Variants in ELF1 observed in about 807,000 individuals in gnomAD.
ELF1 encodes ETS-related transcription factor Elf-1.
ELF1 carries 24 observed loss-of-function variants against 59.9 expected under a neutral mutation model. The ratio of observed to expected loss-of-function variants is 0.40; its 90% CI spans 0.29 to 0.56. The LOEUF (loss-of-function observed/expected upper bound fraction) is 0.56, where lower values mean the gene tolerates loss of function less well. Ranked by LOEUF, ELF1 falls within the 20% of genes least tolerant of loss-of-function variation. The pLI, the probability that ELF1 is intolerant of heterozygous loss-of-function variation, is 0.44. For missense variants in ELF1, 627 were observed against 742.2 expected (o/e 0.84, Z 1.80); for synonymous variants, 248 against 266.2 (o/e 0.93, Z 0.67).
chr13:41,052,543 C>T (rs1877127832), intron 1 of ELF1, among the ~76,000 whole-genome samples: 1 of 151,924 alleles, frequency 6.6e-6, no homozygotes. Context: ...AATAGATCAC[C>T]AAGTATTTTG....
At chr13:40,996,218 T>C (rs1429036925) in intron 1 of ELF1, among the ~76,000 whole-genome samples, 1 of 152,184 alleles carries the variant, frequency 6.6e-6, no homozygotes, top group Non-Finnish European at 1.5e-5. Context: ...TCACTGCTGG[T>C]AGGAATGCAA....
intron 8 of ELF1, among the ~76,000 whole-genome samples, chr13:40,938,108 C>T (rs1012249286): frequency 6.6e-6 from 1 of 152,202 alleles, no homozygotes; most frequent in African/African-American, 2.4e-5. Context: ...TGAGGCACTG[C>T]ACCTGGCCAG....
rs540375224 is a variant in ELF1, at chr13:41,000,875, A to C, written c.-229+18353T>G. The stretch of plus-strand genomic sequence containing the variant: ...GGAGATTAGGAAAGATGATAAAAAT[A>C]AATCATAAAATAAATAATTAGATAC... On this transcript the variant is annotated intron_variant, in intron 1 of 8. Transcript: ENST00000239882. Among the ~76,000 whole-genome samples the C allele has an allele frequency of 8.5e-5, 13 of 152,324 alleles. No individual in the cohort carries two copies. The South Asian group carries it at 2.7e-3, about 32-fold the overall frequency.
At chr13:40,959,249 C>A (rs1302699849) in intron 2 of ELF1, among the ~76,000 whole-genome samples, 1 of 152,134 alleles carries the variant, frequency 6.6e-6, no homozygotes, top group Non-Finnish European at 1.5e-5. Flanking sequence ...GTAATCCCAG[C>A]ACTCTGGGAG....
At chr13:41,016,947 AATATAT>A (rs1276103107) in intron 1 of ELF1, among the ~76,000 whole-genome samples, 1,318 of 24,692 alleles carry the variant, frequency 0.053, 50 homozygotes, top group South Asian at 0.13. Flanking sequence ...AAAAAAAAAA[AATATAT>A]ATATATATAT....
At position 40,988,640 on chromosome 13, in the gene ELF1, A is replaced by G. The variant is rs981747032; in HGVS notation, c.-228-6358T>C. ...CTTTAAGTCTTAGAGTTTTACTATT[A>G]TTATCTCCCAAGTTTACTATATCAT... is the stretch of plus-strand genomic sequence containing the variant. On this transcript the variant is annotated intron_variant, in intron 1 of 8. Transcript: ENST00000239882. 2.0e-5 allele frequency among the ~76,000 whole-genome samples: 3 copies of G among 152,278 alleles called. No homozygotes were observed. The South Asian group carries it at 6.2e-4, about 32-fold the overall frequency.
chr13:40,936,365 G>A (rs1341603476), intron 8 of ELF1, among the ~76,000 whole-genome samples: 1 of 152,036 alleles, frequency 6.6e-6, no homozygotes, highest in African/African-American at 2.4e-5. Flanking sequence ...CTTCTGTAAG[G>A]TATGACACAA....
At chr13:41,042,793 G>A (rs1195395249) in intron 1 of ELF1, among the ~76,000 whole-genome samples, 1 of 152,158 alleles carries the variant, frequency 6.6e-6, no homozygotes, top group Non-Finnish European at 1.5e-5. Flanking sequence ...CTTTAGAGCA[G>A]CATGATTTAT....
chr13:41,027,103 T>A (rs1289952795), intron 1 of ELF1, among the ~76,000 whole-genome samples: 1 of 152,198 alleles, frequency 6.6e-6, no homozygotes, highest in African/African-American at 2.4e-5. Context: ...CACTTTGCTG[T>A]GAAGGAGAAA....
intron 1 of ELF1, among the ~76,000 whole-genome samples, chr13:41,008,597 A>G (rs1365033077): frequency 6.6e-6 from 1 of 152,208 alleles, no homozygotes; most frequent in African/African-American, 2.4e-5. Context: ...AATCCATTCA[A>G]AGTACAAGAC....
intron 1 of ELF1, among the ~76,000 whole-genome samples, chr13:41,039,049 G>C (rs991920735): frequency 1.3e-5 from 2 of 148,682 alleles, no homozygotes; most frequent in Admixed American, 6.7e-5. Flanking sequence ...ATGACAAAAG[G>C]GCAGGAAAAA....
chr13:41,043,777 C>T (rs893179184), intron 1 of ELF1, among the ~76,000 whole-genome samples: 55 of 152,272 alleles, frequency 3.6e-4, no homozygotes, highest in African/African-American at 1.1e-3. Flanking sequence ...ATTGACTTGG[C>T]AATGTGGGCT....
At chr13:40,965,355 C>T (rs1872110524) in intron 2 of ELF1, among the ~76,000 whole-genome samples, 1 of 152,180 alleles carries the variant, frequency 6.6e-6, no homozygotes, top group Non-Finnish European at 1.5e-5. Flanking sequence ...GGTGCAGTGG[C>T]TCACACCTGT....
intron 8 of ELF1, among the ~76,000 whole-genome samples, chr13:40,936,463 C>T (rs1869777073): frequency 6.6e-6 from 1 of 152,084 alleles, no homozygotes; most frequent in African/African-American, 2.4e-5. Context: ...AAAAAGATGT[C>T]CTTTTCTTGG....
chr13:40,951,262 C>T (rs1189425333), intron 4 of ELF1, 67 bp downstream of exon 4: 2 of 1,232,576 alleles, frequency 1.6e-6, no homozygotes, highest in Non-Finnish European at 2.3e-6. Context: ...CTTGATTTTA[C>T]TAATAAAGAA....
intron 1 of ELF1, among the ~76,000 whole-genome samples, chr13:41,016,950 ATATATAT>A (rs1875434082): frequency 1.7e-5 from 1 of 58,376 alleles, no homozygotes; most frequent in African/African-American, 5.8e-5. Flanking sequence ...AAAAAAAAAT[ATATATAT>A]ATATATATAT....
chr13:41,054,500 T>G (rs1877216540), intron 1 of ELF1, among the ~76,000 whole-genome samples: 1 of 152,176 alleles, frequency 6.6e-6, no homozygotes, highest in Non-Finnish European at 1.5e-5. Flanking sequence ...ATGCAATAAA[T>G]TTACTAGCTG....
intron 3 of ELF1, among the ~76,000 whole-genome samples, chr13:40,954,572 C>T (rs928868977): frequency 1.3e-5 from 2 of 151,874 alleles, no homozygotes; most frequent in Non-Finnish European, 2.9e-5. Flanking sequence ...CTCAGCCTGC[C>T]GAGTGCCTGC....
intron 1 of ELF1, among the ~76,000 whole-genome samples, chr13:40,990,379 T>C (rs1345507565): frequency 2.6e-5 from 4 of 152,276 alleles, no homozygotes; most frequent in South Asian, 2.1e-4. Flanking sequence ...TTCGCCTCTA[T>C]TAGGTGAATA....
Sources: allele counts gnomAD v4.1 joint callset (sites outside exome capture counted in the v4.1 genomes callset), GRCh38; gene constraint gnomAD v4.1.1; transcripts MANE v1.5; gene names NCBI Gene and HGNC (gene_info 2026-07-23, HGNC 2026-07-21).